Variants in PAK2 observed in about 807,000 individuals in gnomAD.
The protein encoded by PAK2 is serine/threonine-protein kinase PAK 2.
In PAK2, 21 loss-of-function variants were observed where a neutral mutation model predicts 65.9. The observed-to-expected ratio is 0.32, with a 90% CI of 0.23 to 0.46. PAK2 has a LOEUF of 0.46. Among genes scored for constraint, PAK2 ranks in the 20% least tolerant of loss-of-function variants. PAK2 has a pLI of 1.00. For synonymous variants in PAK2, 204 were observed against 219.7 expected (o/e 0.93, Z 0.63); for missense variants, 324 against 642.6 (o/e 0.50, Z 5.36).
At chr3:196,779,999 A>T (rs1422225832) in intron 1 of PAK2, among the ~76,000 whole-genome samples, 2 of 152,250 alleles carry the variant, frequency 1.3e-5, no homozygotes, top group Non-Finnish European at 2.9e-5. Context: ...TTCTGTCTGT[A>T]GCAAGACAGG....
At chr3:196,761,501 G>T (rs1713962045) in intron 1 of PAK2, among the ~76,000 whole-genome samples, 1 of 91,690 alleles carries the variant, frequency 1.1e-5, no homozygotes, top group Non-Finnish European at 2.2e-5. Context: ...AGGATCCCAA[G>T]GCAGAAGAAT....
Position 196,830,212 on chromosome 3 carries a change from C to G in PAK2, c.*1807C>G, listed in dbSNP as rs763559413. 5.3e-5 allele frequency: 8 copies of G among 151,922 alleles called. No homozygotes were observed. Among genetic ancestry groups the G allele is most frequent in the Non-Finnish European group, 1.0e-4 (7 of 68,008 alleles). The allele number at this position is 151,922 out of a possible 1,614,324, so 9.4% of individuals were successfully genotyped here. On this transcript the variant is annotated 3_prime_UTR_variant, in exon 15 of 15. Transcript: ENST00000327134. ...AAGTGACTGTTTTTTATTGATAAGG[C>G]AAGATTTTCAGAAAAATGAGTAAAA...
At chr3:196,804,087 ACATC>A (rs1715504088) in intron 4 of PAK2, among the ~76,000 whole-genome samples, 1 of 152,118 alleles carries the variant, frequency 6.6e-6, no homozygotes, top group East Asian at 1.9e-4. Context: ...TTTGCTCACT[ACATC>A]CTCAGGATGT....
chr3:196,787,814 T>TA (rs1714944930), intron 2 of PAK2, among the ~76,000 whole-genome samples: 1 of 152,224 alleles, frequency 6.6e-6, no homozygotes, highest in Admixed American at 6.5e-5. Context: ...CCTTTCCTCT[T>TA]ACACTTATTG....
In PAK2 at chr3:196,794,698, A is replaced by G. The variant is rs115741127; in HGVS notation, c.188-7229A>G. Among the ~76,000 whole-genome samples the G allele has an allele frequency of 5.5e-3, 843 of 152,304 alleles. 8 individuals carry two copies. The highest frequency in any genetic ancestry group is 0.019 in the African/African-American group (804 of 41,570). On this transcript the variant is annotated intron_variant, in intron 2 of 14. Transcript: ENST00000327134. ...TTCCCAGCCTTGGAAACCCTGCTGT[A>G]TAACTCAGCCAAAGGGGATGCCAAA...
intron 12 of PAK2, among the ~76,000 whole-genome samples, chr3:196,819,353 G>T (rs1711580948): frequency 6.6e-6 from 1 of 152,108 alleles, no homozygotes; most frequent in African/African-American, 2.4e-5. Flanking sequence ...GAGGCAGGAG[G>T]ATGGCTTGAG....
intron 2 of PAK2, among the ~76,000 whole-genome samples, chr3:196,793,086 G>A (rs1394072038): frequency 6.6e-6 from 1 of 152,110 alleles, no homozygotes; most frequent in Non-Finnish European, 1.5e-5. Flanking sequence ...GGAGAAGGGG[G>A]ATTAGTTGAA....
rs139979487 is a variant in PAK2, at chr3:196,769,542, T to C, written c.-21-13084T>C. ...AATTCCGCATCCCGGCCAGGCGTGG[T>C]GGCTCACGCCTGTAATCCCAGCGCT... is the stretch of plus-strand genomic sequence containing the variant. On this transcript the variant is annotated intron_variant, in intron 1 of 14. Coordinates refer to ENST00000327134, the MANE Select transcript of PAK2 (RefSeq NM_002577.4). Among the ~76,000 whole-genome samples the C allele has an allele frequency of 1.7e-4, 26 of 151,950 alleles. No homozygotes were observed. In the South Asian group the frequency reaches 4.6e-3, roughly 27 times the overall value.
Position 196,740,046 on chromosome 3 carries a change from C to T in PAK2, c.-133C>T, listed in dbSNP as rs1713131738. ...CGGCGTCTCTTCCCGCCCCGCTTCC[C>T]CTTCCCTCCCCTCCCCTCCCCGCAC... is the stretch of plus-strand genomic sequence containing the variant. On this transcript the variant is annotated 5_prime_UTR_variant, in exon 1 of 15. Coordinates refer to ENST00000327134, the MANE Select transcript of PAK2 (RefSeq NM_002577.4). 1 of 151,968 alleles carries T rather than the reference C, an allele frequency of 6.6e-6. No individual in the cohort carries two copies. The highest frequency in any genetic ancestry group is 2.1e-4 in the South Asian group (1 of 4,824). 9.4% of individuals were successfully genotyped at this position (151,968 alleles called of 1,614,324 possible).
rs149447494 is a variant in PAK2, at chr3:196,814,752, G to A, written c.1053+184G>A. On this transcript the variant is annotated intron_variant, in intron 11 of 14. Transcript: ENST00000327134. ...CAGGAGTTTCAGCCCTTTCCTTCAG[G>A]TATAAGATAATTTGGGAATGAATTG... Among the ~76,000 whole-genome samples the A allele has an allele frequency of 2.2e-3, 337 of 152,090 alleles. 2 individuals are homozygous for A. Among genetic ancestry groups the A allele is most frequent in the African/African-American group, 7.6e-3 (315 of 41,490 alleles).
chr3:196,747,652 T>C (rs1713434593), intron 1 of PAK2, among the ~76,000 whole-genome samples: 1 of 152,212 alleles, frequency 6.6e-6, no homozygotes, highest in South Asian at 2.1e-4. Flanking sequence ...GTTGGTAATA[T>C]ACAGAGTTTT....
chr3:196,807,460 GT>G (rs1375954063), intron 6 of PAK2, among the ~76,000 whole-genome samples: 1 of 152,118 alleles, frequency 6.6e-6, no homozygotes, highest in Admixed American at 6.6e-5. Flanking sequence ...ACCATTTGTA[GT>G]AAAAACATGA....
chr3:196,805,253 T>C, intron 4 of PAK2, 99 bp from the exon 5 acceptor site: 2 of 680,722 alleles, frequency 2.9e-6, no homozygotes, highest in Non-Finnish European at 5.1e-6. Flanking sequence ...TTGAAATCAG[T>C]TTAAGAACAT....
intron 1 of PAK2, among the ~76,000 whole-genome samples, chr3:196,771,251 T>C (rs1714351164): frequency 1.3e-5 from 2 of 152,118 alleles, no homozygotes; most frequent in African/African-American, 4.8e-5. Flanking sequence ...ATTGTTGATA[T>C]CAAGAAGTAA....
At chr3:196,759,498 G>GTTGTTTTTTTTTT in intron 1 of PAK2, among the ~76,000 whole-genome samples, 1 of 108,116 alleles carries the variant, frequency 9.2e-6, no homozygotes, top group Non-Finnish European at 1.8e-5. Flanking sequence ...GGTTTTTTTT[G>GTTGTTTTTTTTTT]TTTTTTTTTT....
intron 8 of PAK2, among the ~76,000 whole-genome samples, chr3:196,811,337 CT>C (rs1715810588): frequency 3.0e-5 from 4 of 131,690 alleles, no homozygotes; most frequent in Non-Finnish European, 6.5e-5. Flanking sequence ...CCTTCCCTCC[CT>C]TCCCTCCCTT....
intron 1 of PAK2, among the ~76,000 whole-genome samples, chr3:196,779,928 C>G (rs1374440835): frequency 6.6e-6 from 1 of 152,236 alleles, no homozygotes; most frequent in African/African-American, 2.4e-5. Context: ...ACCTTGGCCT[C>G]CTAAAGTGTG....
chr3:196,794,053 C>T (rs961078003), intron 2 of PAK2, among the ~76,000 whole-genome samples: 2 of 152,044 alleles, frequency 1.3e-5, no homozygotes, highest in Admixed American at 1.3e-4. Flanking sequence ...ATCACTTGAA[C>T]CTGGGAGGCG....
chr3:196,814,700 T>TC, intron 11 of PAK2, 132 bp downstream of exon 11: 1 of 623,080 alleles, frequency 1.6e-6, no homozygotes, highest in Non-Finnish European at 2.8e-6. Flanking sequence ...TGCAAATTAC[T>TC]CCATCTCCGT....
Sources: allele counts gnomAD v4.1 joint callset (sites outside exome capture counted in the v4.1 genomes callset), GRCh38; gene constraint gnomAD v4.1.1; transcripts MANE v1.5; gene names NCBI Gene and HGNC (gene_info 2026-07-23, HGNC 2026-07-21).